Variants in MARCHF3 observed in about 807,000 individuals in gnomAD.
MARCHF3 encodes the protein membrane associated ring-CH-type finger 3.
MARCHF3 carries 13 observed loss-of-function variants against 24.2 expected under a neutral mutation model. The observed-to-expected ratio is 0.54, with a 90% CI of 0.35 to 0.85. MARCHF3 has a LOEUF of 0.85. Ranked by LOEUF, MARCHF3 falls within the 40% of genes least tolerant of loss-of-function variation. The pLI, the probability that MARCHF3 is intolerant of heterozygous loss-of-function variation, is 0.01. For synonymous variants in MARCHF3, 144 were observed against 137.3 expected (o/e 1.05, Z -0.34); for missense variants, 276 against 325.0 (o/e 0.85, Z 1.16).
chr5:126,894,714 C>G (rs1185524262), intron 3 of MARCHF3, among the ~76,000 whole-genome samples: 4 of 151,976 alleles, frequency 2.6e-5, no homozygotes, highest in African/African-American at 9.7e-5. Context: ...TCTGGCTGCC[C>G]TTAAGATTTT....
At chr5:126,897,835 A>G (rs1346562037) in intron 3 of MARCHF3, among the ~76,000 whole-genome samples, 4 of 152,034 alleles carry the variant, frequency 2.6e-5, no homozygotes, top group South Asian at 2.1e-4. Context: ...GATGTTGAGG[A>G]AAAAAAATCA....
At chr5:126,908,902 T>C (rs2126788199) in intron 3 of MARCHF3, among the ~76,000 whole-genome samples, 1 of 152,294 alleles carries the variant, frequency 6.6e-6, no homozygotes, top group South Asian at 2.1e-4. Flanking sequence ...GTGCTCTGCT[T>C]TTTAGAGTTT....
intron 1 of MARCHF3, among the ~76,000 whole-genome samples, chr5:126,940,513 T>A (rs1749792690): frequency 6.6e-6 from 1 of 152,062 alleles, no homozygotes; most frequent in Admixed American, 6.6e-5. Context: ...AGTGGTGTGA[T>A]CCCAGCTCAC....
At chr5:126,933,922 G>GT (rs1749556924) in intron 1 of MARCHF3, among the ~76,000 whole-genome samples, 1 of 152,156 alleles carries the variant, frequency 6.6e-6, no homozygotes, top group African/African-American at 2.4e-5. Flanking sequence ...AGATACTTGT[G>GT]TATCTACAAA....
intron 1 of MARCHF3, among the ~76,000 whole-genome samples, chr5:127,008,477 A>G (rs974205065): frequency 2.6e-5 from 4 of 152,220 alleles, no homozygotes; most frequent in African/African-American, 9.6e-5. Context: ...AACGTCAATA[A>G]GTCTGTCTCA....
At chr5:126,919,425 A>T (rs1749021458) in intron 1 of MARCHF3, among the ~76,000 whole-genome samples, 1 of 152,234 alleles carries the variant, frequency 6.6e-6, no homozygotes, top group Admixed American at 6.5e-5. Flanking sequence ...CACATCAAGA[A>T]CCCATTTAGG....
chr5:126,899,744 T>C (rs1266454557), intron 3 of MARCHF3, among the ~76,000 whole-genome samples: 11 of 152,054 alleles, frequency 7.2e-5, no homozygotes, highest in Non-Finnish European at 1.2e-4. Flanking sequence ...CTCAGGGTGT[T>C]TTTTAAAACA....
chr5:127,003,789 AG>A (rs1349677228), intron 1 of MARCHF3, among the ~76,000 whole-genome samples: 1 of 152,224 alleles, frequency 6.6e-6, no homozygotes, highest in African/African-American at 2.4e-5. Context: ...GTGTCATGAG[AG>A]GATCCCACAA....
chr5:127,014,764 C>G (rs1167662058), intron 1 of MARCHF3, among the ~76,000 whole-genome samples: 2 of 152,018 alleles, frequency 1.3e-5, no homozygotes, highest in Non-Finnish European at 2.9e-5. Context: ...CTTGATCTCA[C>G]AGAAGTAAAA....
chr5:127,030,172 C>A (rs1753134097), intron 1 of MARCHF3, 178 bp downstream of exon 1: 1 of 152,324 alleles, frequency 6.6e-6, no homozygotes, highest in African/African-American at 2.4e-5. Context: ...GATGCTTTGA[C>A]AAGAAGAAGT....
At position 126,889,526 on chromosome 5, in the gene MARCHF3, C is replaced by T. The variant is rs150567468; in HGVS notation, c.394-11132G>A. 6.6e-5 allele frequency among the ~76,000 whole-genome samples: 10 copies of T among 151,948 alleles called. No individual in the cohort carries two copies. The East Asian group carries it at 9.7e-4, about 15-fold the overall frequency. Reference sequence around the variant, plus strand: ...GGATTTCAAGGAAATACAATGCACACGGAAAACAGACGACAGAGCAGACAA... The same window carrying T: ...GGATTTCAAGGAAATACAATGCACATGGAAAACAGACGACAGAGCAGACAA... On this transcript the variant is annotated intron_variant, in intron 3 of 4. Coordinates refer to ENST00000308660, the MANE Select transcript of MARCHF3 (RefSeq NM_178450.5).
At chr5:127,022,174 G>T (rs1328616141) in intron 1 of MARCHF3, among the ~76,000 whole-genome samples, 1 of 152,224 alleles carries the variant, frequency 6.6e-6, no homozygotes, top group Non-Finnish European at 1.5e-5. Flanking sequence ...GAGAACTAAG[G>T]TTTTGTGAGG....
At chr5:126,878,058 G>A (rs551907199) in intron 4 of MARCHF3, 127 bp downstream of exon 4, 91 of 839,456 alleles carry the variant, frequency 1.1e-4, no homozygotes, top group African/African-American at 1.0e-3. Flanking sequence ...TCATGCTCCC[G>A]CCAGCAATCG....
chr5:126,907,919 T>C (rs1336951092), intron 3 of MARCHF3, among the ~76,000 whole-genome samples: 1 of 152,170 alleles, frequency 6.6e-6, no homozygotes, highest in African/African-American at 2.4e-5. Context: ...CTAGTCTCGA[T>C]GGTCTTTACA....
At chr5:126,954,025 CTCT>C (rs1224257877) in intron 1 of MARCHF3, among the ~76,000 whole-genome samples, 3 of 151,668 alleles carry the variant, frequency 2.0e-5, no homozygotes, top group Admixed American at 2.0e-4. Flanking sequence ...ATGTAGTAAC[CTCT>C]TCTAATTTTT....
At position 126,918,106 on chromosome 5, in the gene MARCHF3, G is replaced by C. The variant is rs1448943507; in HGVS notation, c.66C>G (p.Pro22=). 6.2e-7 allele frequency: 1 copy of C among 1,614,156 alleles called. No individual in the cohort carries two copies. The highest frequency in any genetic ancestry group is 8.5e-7 in the Non-Finnish European group (1 of 1,180,032). The change falls in exon 2 of 5, where the codon CCC becomes CCG. Residue 22 remains proline, a synonymous_variant. Transcript: ENST00000308660. ...VLPDCTSSAA[P]VVKTVEDCGS... is the part of the protein sequence containing the mutation. Reference sequence around the variant, plus strand: ...CACAATCCTCCACCGTCTTCACCACGGGTGCAGCTGAGCTGGTGCAGTCTG... The same window carrying C: ...CACAATCCTCCACCGTCTTCACCACCGGTGCAGCTGAGCTGGTGCAGTCTG...
At chr5:126,911,433 C>T (rs930134425) in intron 3 of MARCHF3, among the ~76,000 whole-genome samples, 9 of 152,020 alleles carry the variant, frequency 5.9e-5, no homozygotes, top group Admixed American at 3.3e-4. Context: ...TCAGACTGGC[C>T]GACACTTAGG....
intron 3 of MARCHF3, among the ~76,000 whole-genome samples, chr5:126,881,382 A>G (rs1753337238): frequency 6.6e-6 from 1 of 152,216 alleles, no homozygotes; most frequent in African/African-American, 2.4e-5. Context: ...ATCCTCATTG[A>G]GGAAAAGAAA....
At position 126,906,212 on chromosome 5, in the gene MARCHF3, G is replaced by T. The variant is rs568504682; in HGVS notation, c.393+8718C>A. On this transcript the variant is annotated intron_variant, in intron 3 of 4. Transcript: ENST00000308660. ...GCTTTTTGATGTGCTGCTGGATTCG[G>T]TTTGCCAGTATTTTATTGAGGATTT... Among the ~76,000 whole-genome samples the T allele has an allele frequency of 1.1e-4, 16 of 151,434 alleles. No individual in the cohort carries two copies. The East Asian group carries it at 1.2e-3, about 11-fold the overall frequency.
Sources: allele counts gnomAD v4.1 joint callset (sites outside exome capture counted in the v4.1 genomes callset), GRCh38; gene constraint gnomAD v4.1.1; transcripts MANE v1.5; gene names NCBI Gene and HGNC (gene_info 2026-07-23, HGNC 2026-07-21).